The following SNED1 variants were observed in gnomAD, a reference collection of about 807,000 sequenced individuals.
The protein encoded by SNED1 is sushi, nidogen and EGF like domains 1.
A neutral mutation model predicts 166.7 loss-of-function variants in SNED1; 81 were observed. The ratio of observed to expected loss-of-function variants is 0.49; its 90% confidence interval spans 0.41 to 0.58. The LOEUF is 0.58. SNED1 is among the 20% of genes least tolerant of loss of function. SNED1 has a pLI of 0.00. For missense variants in SNED1, 1,604 were observed against 2,000.2 expected, an observed-to-expected ratio of 0.80 and a Z score of 3.78; for synonymous variants, 762 against 822.0, an observed-to-expected ratio of 0.93 and a Z score of 1.25.
intron 6 of SNED1, among the ~76,000 whole-genome samples, chr2:241,038,877 C>T (rs750816564): frequency 1.3e-5 from 2 of 152,178 alleles, no homozygotes; most frequent in Non-Finnish European, 2.9e-5. Context: ...GGTGACTGGG[C>T]AGAGCTTCCC....
At chr2:241,084,653 C>G (rs1394502159) in intron 29 of SNED1, among the ~76,000 whole-genome samples, 1 of 152,088 alleles carries the variant, frequency 6.6e-6, no homozygotes, top group Non-Finnish European at 1.5e-5. Context: ...CAAAAATTAT[C>G]TTGTTTTAGA....
At position 241,037,207 on chromosome 2, in the gene SNED1, G is replaced by A. The variant is rs762899287; in HGVS notation, c.932-33G>A. 80 of 1,533,926 alleles carry A rather than the reference G, an allele frequency of 5.2e-5. 1 individual carries two copies. Among genetic ancestry groups the A allele is most frequent in the Middle Eastern group, 1.7e-4 (1 of 5,940 alleles). ...GAGAAAACTCCTCATCCGGGTTCCC[G>A]CCGCTGAGGCCTCAGCCTGCCCCAT... On this transcript the variant is annotated intron_variant, in intron 5 of 31. Coordinates refer to ENST00000310397, the MANE Select transcript of SNED1 (RefSeq NM_001080437.3).
chr2:241,012,657 T>C (rs1393210654), intron 1 of SNED1, among the ~76,000 whole-genome samples: 2 of 152,216 alleles, frequency 1.3e-5, no homozygotes, highest in African/African-American at 4.8e-5. Context: ...CAGACAAAAT[T>C]GTGTGATTTA....
intron 22 of SNED1, 39 bp downstream of exon 22, chr2:241,067,986 G>A (rs772417378): frequency 6.4e-7 from 1 of 1,564,588 alleles, no homozygotes; most frequent in South Asian, 1.1e-5. Flanking sequence ...TGGGGTGAAG[G>A]CAGGGGTGGG....
chr2:241,025,651 C>T (rs937380481), intron 1 of SNED1, among the ~76,000 whole-genome samples: 2 of 152,142 alleles, frequency 1.3e-5, no homozygotes, highest in African/African-American at 4.8e-5. Flanking sequence ...CTGTTAGCAT[C>T]TCTTTTAGTG....
At chr2:241,000,290 G>A (rs758075093) in intron 1 of SNED1, among the ~76,000 whole-genome samples, 3 of 152,154 alleles carry the variant, frequency 2.0e-5, no homozygotes, top group East Asian at 1.9e-4. Context: ...CGCCCACTGC[G>A]TTTTCCACAC....
At chr2:241,026,009 C>CTTTTTTTTTTTTTTTTTTTTTTTTTTTTT (rs71404676) in intron 1 of SNED1, among the ~76,000 whole-genome samples, 1 of 73,574 alleles carries the variant, frequency 1.4e-5, no homozygotes, top group Non-Finnish European at 2.4e-5. Flanking sequence ...TTTTCTTTTC[C>CTTTTTTTTTTTTTTTTTTTTTTTTTTTTT]TTTTTTTTTT....
Position 241,069,843 on chromosome 2 carries a change from T to C in SNED1, c.3308-77T>C. ...TCCAGCAAGGCTGCGGCAGCCCATGTCCGGTTCTCAAACCGTGTTCTTGCC... is the reference window on the plus strand; with the variant it reads ...TCCAGCAAGGCTGCGGCAGCCCATGCCCGGTTCTCAAACCGTGTTCTTGCC... On this transcript the variant is annotated intron_variant, in intron 23 of 31. Transcript: ENST00000310397. This position sits in a 1 kb window ranked among gnomAD's most constrained non-coding sequence, Gnocchi z 4.9. 2 of 1,520,418 alleles carry C rather than the reference T, an allele frequency of 1.3e-6. No individual in the cohort carries two copies. Among genetic ancestry groups the C allele is most frequent in the Non-Finnish European group, 1.8e-6 (2 of 1,122,838 alleles). 94.2% of individuals were successfully genotyped at this position (1,520,418 alleles called of 1,614,324 possible).
At chr2:241,060,611 AATCCAGGT>A (rs2062200473) in intron 16 of SNED1, among the ~76,000 whole-genome samples, 1 of 151,304 alleles carries the variant, frequency 6.6e-6, no homozygotes, top group Non-Finnish European at 1.5e-5. Flanking sequence ...ACTGGAATTA[AATCCAGGT>A]GGATTAAAGA....
At chr2:241,052,008 G>A (rs753453268) in intron 13 of SNED1, 33 bp from the exon 14 acceptor site, 70 of 1,591,592 alleles carry the variant, frequency 4.4e-5, no homozygotes, top group Non-Finnish European at 5.9e-5. Flanking sequence ...GAGGGGCAGT[G>A]GGCTGTGACC....
Position 240,999,181 on chromosome 2 carries a change from G to T in SNED1, c.213+131G>T. The T allele has an allele frequency of 2.3e-6, 1 of 444,428 alleles. No homozygotes were observed. The highest frequency in any genetic ancestry group is 1.1e-4 in the South Asian group (1 of 9,088). 27.5% of individuals were successfully genotyped at this position (444,428 alleles called of 1,614,324 possible). On this transcript the variant is annotated intron_variant, in intron 1 of 31. Transcript: ENST00000310397. This position sits in a 1 kb window ranked among gnomAD's most constrained non-coding sequence, Gnocchi z 5.8. Reference sequence around the variant, plus strand: ...CCGGGGCGGCCCGAGGTGGAATGAGGACAGCGCTTCCTCCTCGGCGGCCAA... The same window carrying T: ...CCGGGGCGGCCCGAGGTGGAATGAGTACAGCGCTTCCTCCTCGGCGGCCAA...
chr2:241,090,917 C>T (rs1377749233), intron 31 of SNED1, among the ~76,000 whole-genome samples: 1 of 151,882 alleles, frequency 6.6e-6, no homozygotes, highest in Non-Finnish European at 1.5e-5. Flanking sequence ...GCTATGACCT[C>T]AGCTCCACTG....
Position 241,071,876 on chromosome 2 carries a change from C to T in SNED1, c.3815C>T (p.Ser1272Leu). ...GSPSKAATVR[S>L]QPTASAQLEN... ...CCCAGCAAAGCAGCCACCGTGAGAT[C>T]ACGTGAGTGCCAGGGCCTCCCCACC... The change falls in exon 26 of 32, where the codon TCA (serine) becomes TTA (leucine). Residue 1272 changes from serine to leucine, a missense_variant and splice_region_variant. Ser to Leu is a moderately radical substitution (Grantham distance 145, BLOSUM62 -2). Transcript: ENST00000310397. 1 of 1,599,398 alleles carries T rather than the reference C, an allele frequency of 6.3e-7. No homozygotes were observed. The highest frequency in any genetic ancestry group is 8.5e-7 in the Non-Finnish European group (1 of 1,173,582).
intron 15 of SNED1, among the ~76,000 whole-genome samples, chr2:241,052,697 G>T (rs1215264677): frequency 1.1e-4 from 6 of 55,506 alleles, no homozygotes; most frequent in Non-Finnish European, 1.7e-4. Flanking sequence ...CGGCGGGGGG[G>T]GGGGGGGTCA....
At position 241,093,389 on chromosome 2, in the gene SNED1, A is replaced by G. The variant is rs778825277; in HGVS notation, c.*1753A>G. ...GGTGAATCCTACTAGGAAACTTTCT[A>G]CTCCCTACTAGGACCTCAAGCCCCT... On this transcript the variant is annotated 3_prime_UTR_variant, in exon 32 of 32. Coordinates refer to ENST00000310397, the MANE Select transcript of SNED1 (RefSeq NM_001080437.3). 3.1e-4 allele frequency: 48 copies of G among 152,598 alleles called. No homozygotes were observed. Among genetic ancestry groups the G allele is most frequent in the Admixed American group, 1.6e-3 (25 of 15,272 alleles). The allele number at this position is 152,598 out of a possible 1,614,324, so 9.5% of individuals were successfully genotyped here.
At chr2:241,078,374 C>A (rs1384730746) in intron 27 of SNED1, among the ~76,000 whole-genome samples, 1 of 119,274 alleles carries the variant, frequency 8.4e-6, no homozygotes. Flanking sequence ...CAGAACTAGA[C>A]TCCGTCTCAA....
chr2:241,066,468 G>A (rs1049744643), intron 21 of SNED1, among the ~76,000 whole-genome samples: 1 of 152,200 alleles, frequency 6.6e-6, no homozygotes, highest in South Asian at 2.1e-4. Flanking sequence ...GAACAGGCTG[G>A]GCAGGAACCA....
intron 4 of SNED1, among the ~76,000 whole-genome samples, chr2:241,036,154 G>GA (rs1190951002): frequency 6.6e-6 from 1 of 151,022 alleles, no homozygotes; most frequent in African/African-American, 2.4e-5. Context: ...GCGCTCATGG[G>GA]AAGAGGAAAG....
chr2:241,029,583 T>G (rs2061097220), intron 1 of SNED1, among the ~76,000 whole-genome samples: 1 of 152,186 alleles, frequency 6.6e-6, no homozygotes, highest in Admixed American at 6.5e-5. Flanking sequence ...CTGTTATAAG[T>G]AAGAAAACCA....
Sources: allele counts gnomAD v4.1 joint callset (sites outside exome capture counted in the v4.1 genomes callset), GRCh38; gene constraint gnomAD v4.1.1; non-coding constraint Gnocchi (gnomAD v3.1); transcripts MANE v1.5; gene names NCBI Gene and HGNC (gene_info 2026-07-23, HGNC 2026-07-21).